The following TMEM209 variants were observed in gnomAD, a reference collection of about 807,000 sequenced individuals.
The protein encoded by TMEM209 is transmembrane protein 209.
In TMEM209, 65 loss-of-function variants were observed where a neutral mutation model predicts 76.2. The observed-to-expected ratio is 0.85, with a 90% confidence interval of 0.70 to 1.05. TMEM209 has a LOEUF of 1.05. Among genes scored for constraint, TMEM209 ranks in the 50% least tolerant of loss-of-function variants. The pLI is 0.00. For missense variants in TMEM209, 623 were observed against 685.5 expected (o/e 0.91, Z 1.02); for synonymous variants, 239 against 237.6 (o/e 1.01, Z -0.06).
intron 5 of TMEM209, among the ~76,000 whole-genome samples, chr7:130,193,688 G>A (rs1455045924): frequency 6.6e-6 from 1 of 151,702 alleles, no homozygotes; most frequent in Non-Finnish European, 1.5e-5. Flanking sequence ...AAACTATGGC[G>A]GCAATTAAAA....
intron 11 of TMEM209, 47 bp from the exon 12 acceptor site, chr7:130,173,986 G>C (rs1266737487): frequency 7.7e-7 from 1 of 1,291,096 alleles, no homozygotes. Flanking sequence ...TGAAAATCTA[G>C]CATGGATGTA....
At chr7:130,169,692 C>T (rs1219577571) in intron 14 of TMEM209, among the ~76,000 whole-genome samples, 1 of 151,810 alleles carries the variant, frequency 6.6e-6, no homozygotes, top group Non-Finnish European at 1.5e-5. Context: ...GCATGCATAT[C>T]GGAAGTGGAA....
intron 6 of TMEM209, among the ~76,000 whole-genome samples, chr7:130,189,911 G>C (rs1797734900): frequency 6.6e-6 from 1 of 152,108 alleles, no homozygotes; most frequent in Non-Finnish European, 1.5e-5. Context: ...AAGGAATCAG[G>C]GCTCTTAGAG....
At chr7:130,202,814 C>T (rs1798266521) in intron 3 of TMEM209, among the ~76,000 whole-genome samples, 151 bp from the exon 4 acceptor site, 1 of 152,068 alleles carries the variant, frequency 6.6e-6, no homozygotes, top group Admixed American at 6.6e-5. Flanking sequence ...GGTGGCTGGG[C>T]ATGGTGGCTC....
intron 14 of TMEM209, among the ~76,000 whole-genome samples, chr7:130,168,820 T>TAAA (rs1446216224): frequency 6.6e-6 from 1 of 152,232 alleles, no homozygotes; most frequent in Non-Finnish European, 1.5e-5. Flanking sequence ...ACTGCTGTGT[T>TAAA]ATTTAAATAC....
chr7:130,192,018 T>G (rs1202875318), intron 6 of TMEM209, among the ~76,000 whole-genome samples: 1 of 152,216 alleles, frequency 6.6e-6, no homozygotes, highest in African/African-American at 2.4e-5. Context: ...TATTAGCGCC[T>G]AATATGCTTT....
chr7:130,204,651 T>A (rs1483325338), intron 1 of TMEM209, among the ~76,000 whole-genome samples: 1 of 152,238 alleles, frequency 6.6e-6, no homozygotes, highest in African/African-American at 2.4e-5. Context: ...TGGCTGGTTA[T>A]TTAAGAACAA....
At chr7:130,185,155 A>C in intron 7 of TMEM209, 37 bp downstream of exon 7, 2 of 1,581,550 alleles carry the variant, frequency 1.3e-6, no homozygotes, top group Non-Finnish European at 1.7e-6. Flanking sequence ...ACAATGCATA[A>C]ATCATAAATA....
At chr7:130,176,124 T>TC (rs1797228175) in intron 10 of TMEM209, among the ~76,000 whole-genome samples, 1 of 151,268 alleles carries the variant, frequency 6.6e-6, no homozygotes, top group African/African-American at 2.4e-5. Flanking sequence ...TCTTTTTTTT[T>TC]TTTTTTGAGA....
chr7:130,203,551 AT>A (rs1432834201), intron 3 of TMEM209, among the ~76,000 whole-genome samples: 1 of 152,122 alleles, frequency 6.6e-6, no homozygotes, highest in East Asian at 1.9e-4. Context: ...CTCTAAACTT[AT>A]TTTTCTTCAC....
intron 6 of TMEM209, among the ~76,000 whole-genome samples, chr7:130,190,775 T>C (rs923476120): frequency 6.6e-6 from 1 of 151,834 alleles, no homozygotes; most frequent in African/African-American, 2.4e-5. Context: ...AGTGGGTGGA[T>C]TGTGTGAGCT....
At chr7:130,183,243 A>G (rs1224741094) in intron 8 of TMEM209, among the ~76,000 whole-genome samples, 1 of 152,172 alleles carries the variant, frequency 6.6e-6, no homozygotes, top group African/African-American at 2.4e-5. Context: ...CATGCATCTT[A>G]ATTTGCCAGC....
At chr7:130,199,569 T>TA (rs1230552743) in intron 5 of TMEM209, among the ~76,000 whole-genome samples, 1 of 152,116 alleles carries the variant, frequency 6.6e-6, no homozygotes, top group African/African-American at 2.4e-5. Flanking sequence ...TTTAAGATTT[T>TA]AAAAAAAGAA....
At chr7:130,186,440 AT>A (rs2117001726) in intron 6 of TMEM209, among the ~76,000 whole-genome samples, 1 of 152,302 alleles carries the variant, frequency 6.6e-6, no homozygotes, top group African/African-American at 2.4e-5. Flanking sequence ...ACTGTATGAA[AT>A]TCTGGCAAAA....
intron 1 of TMEM209, 23 bp from the exon 2 acceptor site, chr7:130,204,133 G>C (rs1473892799): frequency 3.1e-6 from 5 of 1,589,548 alleles, no homozygotes; most frequent in Non-Finnish European, 4.3e-6. Flanking sequence ...AAAAAGCACA[G>C]GAATTAACCA....
In TMEM209 at chr7:130,185,272, A is replaced by G; in HGVS notation, c.871T>C (p.Tyr291His). 1 of 1,614,068 alleles carries G rather than the reference A, an allele frequency of 6.2e-7. No homozygotes were observed. Among genetic ancestry groups the G allele is most frequent in the East Asian group, 2.2e-5 (1 of 44,888 alleles). ...DYAQTLKKFQ[Y>H]QLACRSQAPC... is the part of the protein sequence containing the mutation. The stretch of plus-strand genomic sequence containing the variant: ...GCCTGAGACCTACAGGCAAGCTGAT[A>G]CTGAAACTTCTTTAAAGTTTGTGCA... The change falls in exon 7 of 15, where the codon TAT becomes CAT. Residue 291 changes from tyrosine (Y) to histidine (H), a missense_variant. Coordinates refer to ENST00000397622, the MANE Select transcript of TMEM209 (RefSeq NM_032842.4).
At chr7:130,168,288 A>C (rs1203227609) in intron 14 of TMEM209, among the ~76,000 whole-genome samples, 3 of 152,188 alleles carry the variant, frequency 2.0e-5, no homozygotes, top group Non-Finnish European at 4.4e-5. Flanking sequence ...GAAATGCTCC[A>C]AAACCCAAAA....
Position 130,165,064 on chromosome 7 carries a change from T to C in TMEM209, c.*1387A>G, listed in dbSNP as rs772940496. ...ACTTTAGTGAGTCTGCATATGTGTA[T>C]TATTAATACATGTTAAACCATACTG... On this transcript the variant is annotated 3_prime_UTR_variant, in exon 15 of 15. Coordinates refer to ENST00000397622, the MANE Select transcript of TMEM209 (RefSeq NM_032842.4). 6 of 152,208 alleles carry C rather than the reference T, an allele frequency of 3.9e-5. No homozygotes were observed. The highest frequency in any genetic ancestry group is 8.8e-5 in the Non-Finnish European group (6 of 68,038). 9.4% of individuals were successfully genotyped at this position (152,208 alleles called of 1,614,324 possible). A position where few individuals can be genotyped will look rare whatever the true frequency, so the allele number is the denominator to read the frequency against.
Position 130,192,685 on chromosome 7 carries a change from C to T in TMEM209, c.712G>A (p.Asp238Asn), listed in dbSNP as rs776525894. The change falls in exon 6 of 15, where the codon GAC (aspartate) becomes AAC (asparagine). Residue 238 changes from aspartate (D) to asparagine (N), a missense_variant. Transcript: ENST00000397622. ...AGAAAAGTATCCAAAGTTCGTAGGTCGGTCATGTAGTCTTCTTTGTCAGTA... is the reference window on the plus strand; with the variant it reads ...AGAAAAGTATCCAAAGTTCGTAGGTTGGTCATGTAGTCTTCTTTGTCAGTA... Reference protein sequence around the residue: ...SPTDKEDYMTDLRTLDTFLRS... With the variant: ...SPTDKEDYMTNLRTLDTFLRS... 2.2e-5 allele frequency: 35 copies of T among 1,613,610 alleles called. No homozygotes were observed. The highest frequency in any genetic ancestry group is 2.9e-5 in the Non-Finnish European group (34 of 1,179,766).
Sources: gnomAD v4.1 joint callset for allele counts (sites outside exome capture counted in the v4.1 genomes callset) on GRCh38, gnomAD v4.1.1 for gene constraint, MANE v1.5 for transcripts, NCBI Gene and HGNC (gene_info 2026-07-23, HGNC 2026-07-21) for gene names.